Variants in PRKG1 observed in about 807,000 individuals in gnomAD.
PRKG1 encodes cGMP-dependent protein kinase 1.
A neutral mutation model predicts 88.1 loss-of-function variants in PRKG1; 35 were observed. That is an observed-to-expected ratio of 0.40 (90% CI 0.30 to 0.53). The LOEUF is 0.53. PRKG1 is among the 20% of genes least tolerant of loss of function. PRKG1 has a pLI of 0.59. For synonymous variants in PRKG1, 303 were observed against 292.5 expected (o/e 1.04, Z -0.37); for missense variants, 540 against 839.8 (o/e 0.64, Z 4.41).
At chr10:51,826,071 A>C (rs529905790) in intron 4 of PRKG1, among the ~76,000 whole-genome samples, 46 of 152,322 alleles carry the variant, frequency 3.0e-4, no homozygotes, top group Admixed American at 5.2e-4. Flanking sequence ...GTAAGGGGCC[A>C]TCATGAATTC....
chr10:51,067,457 G>A (rs1463983854), intron 1 of PRKG1, among the ~76,000 whole-genome samples: 1 of 151,914 alleles, frequency 6.6e-6, no homozygotes, highest in Non-Finnish European at 1.5e-5. Flanking sequence ...GAAAATGAAA[G>A]TAAGCAATTT....
intron 9 of PRKG1, among the ~76,000 whole-genome samples, chr10:52,171,417 G>C (rs1034243766): frequency 9.2e-5 from 14 of 152,146 alleles, no homozygotes; most frequent in African/African-American, 3.4e-4. Context: ...TGCAGGGTGA[G>C]TGGTCAGAAG....
rs547516683 is a variant in PRKG1, at chr10:51,907,172, G to A, written c.699-335G>A. 1.5e-4 allele frequency among the ~76,000 whole-genome samples: 23 copies of A among 152,162 alleles called. No individual in the cohort carries two copies. In the South Asian group the frequency reaches 4.6e-3, roughly 30 times the overall value. On this transcript the variant is annotated intron_variant, in intron 4 of 17. Transcript: ENST00000373980. ...AGAGGGGCATCCATCAGTTGACTGG[G>A]GGGCTTAAAATTTTATATTCGGTTT...
intron 3 of PRKG1, among the ~76,000 whole-genome samples, chr10:51,586,132 T>A (rs1838166518): frequency 1.3e-5 from 2 of 152,040 alleles, no homozygotes; most frequent in South Asian, 4.1e-4. Context: ...CAAAAATAAA[T>A]GTTGAATTTA....
intron 3 of PRKG1, among the ~76,000 whole-genome samples, chr10:51,647,887 A>G (rs1368783948): frequency 3.3e-5 from 5 of 152,282 alleles, no homozygotes; most frequent in East Asian, 3.9e-4. Context: ...ATTGCACAGT[A>G]TGTTTTCATC....
At chr10:51,204,319 AT>A (rs995034601) in intron 2 of PRKG1, among the ~76,000 whole-genome samples, 3 of 149,794 alleles carry the variant, frequency 2.0e-5, no homozygotes, top group Admixed American at 6.7e-5. Flanking sequence ...CCTCTTTGGT[AT>A]TTTTTTTCCA....
chr10:51,859,687 C>T (rs1210551918), intron 4 of PRKG1, among the ~76,000 whole-genome samples: 2 of 152,140 alleles, frequency 1.3e-5, no homozygotes. Context: ...CCCTACTCCC[C>T]AATCCCTTTT....
intron 7 of PRKG1, among the ~76,000 whole-genome samples, chr10:52,067,714 C>T (rs981381996): frequency 7.0e-6 from 1 of 142,346 alleles, no homozygotes; most frequent in Non-Finnish European, 1.6e-5. Context: ...TTGGCTCAAG[C>T]ATCTTTTTTT....
intron 5 of PRKG1, among the ~76,000 whole-genome samples, chr10:52,008,095 A>G (rs1844785284): frequency 6.6e-6 from 1 of 152,190 alleles, no homozygotes; most frequent in South Asian, 2.1e-4. Context: ...CAAAGATACA[A>G]CATACCAGAA....
intron 3 of PRKG1, among the ~76,000 whole-genome samples, chr10:51,582,159 G>A (rs1179969693): frequency 6.6e-6 from 1 of 152,126 alleles, no homozygotes; most frequent in East Asian, 1.9e-4. Flanking sequence ...AACCTGAATA[G>A]TGAAAAAATA....
chr10:51,152,976 C>CTT (rs1283273580), intron 1 of PRKG1, among the ~76,000 whole-genome samples, 188 bp from the exon 2 acceptor site: 4,890 of 112,296 alleles, frequency 0.044, 212 homozygotes, highest in East Asian at 0.078. Flanking sequence ...TTCTTAGTGC[C>CTT]TTTTTTTTTT....
chr10:51,196,675 C>G (rs544432422), intron 2 of PRKG1, among the ~76,000 whole-genome samples: 39 of 152,158 alleles, frequency 2.6e-4, no homozygotes, highest in African/African-American at 7.0e-4. Flanking sequence ...GAAAAATGAC[C>G]TGAAATTCAG....
At chr10:51,718,705 G>A (rs987335216) in intron 3 of PRKG1, among the ~76,000 whole-genome samples, 28 of 152,046 alleles carry the variant, frequency 1.8e-4, no homozygotes, top group Admixed American at 1.8e-3. Context: ...TCACTTCTTT[G>A]TAGAATCTAA....
chr10:51,872,963 C>T (rs934492753), intron 4 of PRKG1, among the ~76,000 whole-genome samples: 1 of 151,976 alleles, frequency 6.6e-6, no homozygotes, highest in African/African-American at 2.4e-5. Context: ...ATTTTCTTTA[C>T]CGTAATGTTT....
intron 2 of PRKG1, among the ~76,000 whole-genome samples, chr10:51,202,486 A>G (rs1837936874): frequency 1.3e-5 from 2 of 152,210 alleles, no homozygotes; most frequent in African/African-American, 4.8e-5. Flanking sequence ...ATCTCCTGCA[A>G]GAATTCCTAT....
At position 52,092,504 on chromosome 10, in the gene PRKG1, C is replaced by G. The variant is rs75092051; in HGVS notation, c.935+29873C>G. ...GAAGCTGCTGATATTCTTTGGTCAT[C>G]CTTCTATGTCTGATTACATTTCTGA... On this transcript the variant is annotated intron_variant, in intron 7 of 17. Coordinates refer to ENST00000373980, the MANE Select transcript of PRKG1 (RefSeq NM_006258.4). 3.1e-3 allele frequency among the ~76,000 whole-genome samples: 469 copies of G among 152,166 alleles called. 7 individuals are homozygous for G. The highest frequency in any genetic ancestry group is 0.011 in the African/African-American group (442 of 41,508).
chr10:51,343,666 C>T (rs1036466649), intron 2 of PRKG1, among the ~76,000 whole-genome samples: 7 of 152,008 alleles, frequency 4.6e-5, no homozygotes, highest in East Asian at 3.9e-4. Flanking sequence ...TTAATTTTCA[C>T]GTATAATTAC....
At chr10:51,400,588 G>A (rs1193917035) in intron 2 of PRKG1, among the ~76,000 whole-genome samples, 1 of 152,162 alleles carries the variant, frequency 6.6e-6, no homozygotes, top group African/African-American at 2.4e-5. Flanking sequence ...CTTCTGTGAG[G>A]ACTCTTAAGG....
At chr10:51,589,127 C>T (rs948559063) in intron 3 of PRKG1, among the ~76,000 whole-genome samples, 14 of 152,048 alleles carry the variant, frequency 9.2e-5, no homozygotes, top group African/African-American at 3.4e-4. Context: ...GAGTTGCTAA[C>T]TGGATATTCA....
Sources: gnomAD v4.1 joint callset for allele counts (sites outside exome capture counted in the v4.1 genomes callset) on GRCh38, gnomAD v4.1.1 for gene constraint, MANE v1.5 for transcripts, NCBI Gene and HGNC (gene_info 2026-07-23, HGNC 2026-07-21) for gene names.